The following AKAP12 variants were observed in gnomAD, a reference collection of about 807,000 sequenced individuals.
AKAP12 encodes A-kinase anchoring protein 12.
In AKAP12, 32 loss-of-function variants were observed where a neutral mutation model predicts 79.9. The observed-to-expected ratio is 0.40, with a 90% CI of 0.30 to 0.54. The LOEUF is 0.54. Among genes scored for constraint, AKAP12 ranks in the 20% least tolerant of loss-of-function variants. The pLI, the probability that AKAP12 is intolerant of heterozygous loss-of-function variation, is 0.48. For synonymous variants in AKAP12, 808 were observed against 857.0 expected (o/e 0.94, Z 1.00); for missense variants, 2,074 against 2,177.0 (o/e 0.95, Z 0.94).
intron 3 of AKAP12, chr6:151,319,519 T>TA (rs1562736535): frequency 1.3e-4 from 12 of 93,434 alleles, no homozygotes; most frequent in East Asian, 1.0e-3. Context: ...TAGATATATC[T>TA]CTATATAGAT....
In AKAP12 at chr6:151,250,628, C is replaced by T. The variant is rs1286147259; in HGVS notation, c.162+9904C>T. Among the ~76,000 whole-genome samples, 42 of 145,172 alleles carry T rather than the reference C, an allele frequency of 2.9e-4. 1 individual carries two copies. Among genetic ancestry groups the T allele is most frequent in the Admixed American group, 3.5e-4 (5 of 14,390 alleles). ...GATATTTTCCTTTTTTTTTTTGAGA[C>T]GGAGTCTCGCTCTGTTGCCCAGGCT... On this transcript the variant is annotated intron_variant, in intron 2 of 4. Transcript: ENST00000402676.
At chr6:151,259,692 C>T (rs1797381472) in intron 2 of AKAP12, among the ~76,000 whole-genome samples, 1 of 150,698 alleles carries the variant, frequency 6.6e-6, no homozygotes. Context: ...TATTCTTGTG[C>T]CTCATCCTCG....
At chr6:151,241,826 C>CAAAA (rs59482970) in intron 2 of AKAP12, among the ~76,000 whole-genome samples, 2 of 123,890 alleles carry the variant, frequency 1.6e-5, no homozygotes, top group Non-Finnish European at 3.3e-5. Context: ...TTACAATATG[C>CAAAA]AAAAAAAAAA....
Position 151,240,436 on chromosome 6 carries a change from C to G in AKAP12, c.-127C>G. On this transcript the variant is annotated 5_prime_UTR_variant, in exon 2 of 5. Transcript: ENST00000402676. ...TTCGCAGGCTGGGCGCGTTCGCAGT[C>G]GGCTGGCGGCGAAGGAAGGCGCTCT... 9.4e-7 allele frequency: 1 copy of G among 1,065,244 alleles called. No individual in the cohort carries two copies. The highest frequency in any genetic ancestry group is 1.2e-6 in the Non-Finnish European group (1 of 825,512). 66.0% of individuals were successfully genotyped at this position (1,065,244 alleles called of 1,614,324 possible).
At position 151,352,685 on chromosome 6, in the gene AKAP12, G is replaced by A. The variant is rs763489103; in HGVS notation, c.4294G>A (p.Gly1432Arg). Residue 1432 changes from glycine (G) to arginine (R), a missense_variant, in exon 4 of 5, where the codon GGA becomes AGA. By Grantham distance (125) the Gly-to-Arg change is moderately radical. This residue lies in a region of AKAP12 where 614 missense variants were observed against 665.6 expected (regional missense o/e 0.92). Transcript: ENST00000402676. ...TAAAEEEKVL[G>R]ETANILETGE... ...GGCTGCAGAGGAGGAAAAGGTCTTA[G>A]GAGAAACTGCCAACATTTTAGAAAC... is the stretch of plus-strand genomic sequence containing the variant. The A allele has an allele frequency of 5.6e-6, 9 of 1,614,220 alleles. No individual in the cohort carries two copies. The highest frequency in any genetic ancestry group is 1.7e-5 in the Admixed American group (1 of 60,024).
intron 3 of AKAP12, chr6:151,324,175 G>T (rs1777465439): frequency 1.0e-6 from 1 of 985,254 alleles, no homozygotes. Context: ...CTTCTCTAGA[G>T]AAAAAAGGTT....
intron 4 of AKAP12, 117 bp from the exon 5 acceptor site, chr6:151,355,610 T>C (rs1301723892): frequency 6.6e-6 from 1 of 152,438 alleles, no homozygotes; most frequent in Non-Finnish European, 1.5e-5. Context: ...CCCATCTTTG[T>C]TTTTTTAATG....
chr6:151,320,366 C>T (rs557912507), intron 3 of AKAP12, among the ~76,000 whole-genome samples: 2 of 152,022 alleles, frequency 1.3e-5, no homozygotes, highest in South Asian at 2.1e-4. Context: ...GCAATCCTCC[C>T]ATCTCGGCCT....
chr6:151,272,354 A>AAC (rs1344037024), intron 2 of AKAP12, among the ~76,000 whole-genome samples: 1 of 151,138 alleles, frequency 6.6e-6, no homozygotes, highest in Non-Finnish European at 1.5e-5. Flanking sequence ...CAAAAAAAAA[A>AAC]AAAAACAAAA....
In AKAP12 at chr6:151,281,375, G is replaced by A. The variant is rs535867252; in HGVS notation, c.163-24372G>A. Among the ~76,000 whole-genome samples the A allele has an allele frequency of 3.9e-5, 6 of 152,284 alleles. No homozygotes were observed. In the East Asian group the frequency reaches 1.2e-3, roughly 29 times the overall value. ...GTGTTTTAAGTTTGCCTTGACTTTTGCATTTCTGTAACGTATGGGAAGAGA... is the reference window on the plus strand; with the variant it reads ...GTGTTTTAAGTTTGCCTTGACTTTTACATTTCTGTAACGTATGGGAAGAGA... On this transcript the variant is annotated intron_variant, in intron 2 of 4. Transcript: ENST00000402676.
intron 3 of AKAP12, among the ~76,000 whole-genome samples, chr6:151,311,263 C>G (rs1019044679): frequency 1.3e-5 from 2 of 152,246 alleles, no homozygotes; most frequent in East Asian, 1.9e-4. Flanking sequence ...GCCACCACAG[C>G]CAGCCTTAAG....
intron 2 of AKAP12, among the ~76,000 whole-genome samples, chr6:151,246,909 A>G (rs574048593): frequency 1.3e-5 from 2 of 152,152 alleles, no homozygotes; most frequent in South Asian, 4.1e-4. Flanking sequence ...CTACAGGCAC[A>G]CACCACCAGG....
chr6:151,327,084 G>T (rs1479189731), intron 3 of AKAP12, among the ~76,000 whole-genome samples: 2 of 150,736 alleles, frequency 1.3e-5, no homozygotes, highest in Non-Finnish European at 2.9e-5. Context: ...CAAAGTGCTA[G>T]GATTATAGAC....
At chr6:151,355,405 C>T (rs999348494) in intron 4 of AKAP12, among the ~76,000 whole-genome samples, 2 of 151,884 alleles carry the variant, frequency 1.3e-5, no homozygotes, top group Admixed American at 6.6e-5. Context: ...TGGGTTCAAG[C>T]GATTCTCCTG....
At chr6:151,284,900 G>T (rs536581137) in intron 2 of AKAP12, among the ~76,000 whole-genome samples, 2 of 152,304 alleles carry the variant, frequency 1.3e-5, no homozygotes, top group South Asian at 4.1e-4. Context: ...GTTGACTAAC[G>T]CATGGGGACC....
At chr6:151,316,976 C>T (rs536234640) in intron 3 of AKAP12, among the ~76,000 whole-genome samples, 60 of 152,320 alleles carry the variant, frequency 3.9e-4, no homozygotes, top group African/African-American at 1.4e-3. Context: ...CTAATGGCCT[C>T]ATTTTAACTT....
At chr6:151,312,615 C>T (rs894460347) in intron 3 of AKAP12, among the ~76,000 whole-genome samples, 1 of 152,048 alleles carries the variant, frequency 6.6e-6, no homozygotes, top group Non-Finnish European at 1.5e-5. Context: ...CACGGTGAAA[C>T]TCCGTCTCTA....
chr6:151,352,893 A>G lies in AKAP12; in HGVS notation c.4502A>G (p.Glu1501Gly), dbSNP rs1408877243. 15 of 1,614,082 alleles carry G rather than the reference A, an allele frequency of 9.3e-6. No homozygotes were observed. Among genetic ancestry groups the G allele is most frequent in the African/African-American group, 1.3e-5 (1 of 74,924 alleles). Residue 1501 changes from glutamate to glycine, a missense_variant, in exon 4 of 5, where the codon GAA becomes GGA. By Grantham distance (98) the Glu-to-Gly change is moderately conservative. This residue lies in a region of AKAP12 where 614 missense variants were observed against 665.6 expected (regional missense o/e 0.92). Transcript: ENST00000402676. ...AAGAAAGGCTTAAGTTCCGACCTGG[A>G]AGGAGAGAAAACCACATCACTGAAG... ...TTKKGLSSDL[E>G]GEKTTSLKWK... is the part of the protein sequence containing the mutation.
chr6:151,313,757 C>G (rs762422928), intron 3 of AKAP12, among the ~76,000 whole-genome samples: 9 of 152,182 alleles, frequency 5.9e-5, no homozygotes, highest in African/African-American at 9.7e-5. Flanking sequence ...GGGCGCTAGA[C>G]ACGGCTAAGA....
Sources: gnomAD v4.1 joint callset for allele counts (sites outside exome capture counted in the v4.1 genomes callset) on GRCh38, gnomAD v4.1.1 for gene constraint, gnomAD v4.1.1 regional missense constraint, MANE v1.5 for transcripts, NCBI Gene and HGNC (gene_info 2026-07-23, HGNC 2026-07-21) for gene names.